NALCN: variants seen among roughly 807,000 people sequenced by gnomAD.
NALCN encodes the protein sodium leak channel NALCN.
Under a neutral mutation model 225.3 loss-of-function variants are expected in NALCN, and 111 were observed. The observed-to-expected ratio is 0.49, with a 90% CI of 0.42 to 0.58. The LOEUF (loss-of-function observed/expected upper bound fraction) is 0.58, where lower values mean the gene tolerates loss of function less well. Among genes scored for constraint, NALCN ranks in the 20% least tolerant of loss-of-function variants. The pLI is 0.00. For missense variants in NALCN, 1,378 were observed against 2,202.4 expected, an observed-to-expected ratio of 0.63 and a Z score of 7.49; for synonymous variants, 764 against 769.0, an observed-to-expected ratio of 0.99 and a Z score of 0.11.
intron 13 of NALCN, among the ~76,000 whole-genome samples, chr13:101,194,252 A>G (rs145856501): frequency 3.9e-5 from 6 of 152,258 alleles, no homozygotes; most frequent in African/African-American, 1.4e-4. Flanking sequence ...CTCGGGAGAA[A>G]AAAAAATCGA....
At chr13:101,095,553 A>T (rs2034456450) in intron 28 of NALCN, 21 bp downstream of exon 28, 2 of 1,576,752 alleles carry the variant, frequency 1.3e-6, no homozygotes, top group Admixed American at 1.7e-5. Context: ...TCTTCAGAAT[A>T]TTTTTTTATG....
At chr13:101,280,405 C>T (rs2043128534) in intron 10 of NALCN, among the ~76,000 whole-genome samples, 1 of 152,192 alleles carries the variant, frequency 6.6e-6, no homozygotes, top group Non-Finnish European at 1.5e-5. Flanking sequence ...CAACATCTAT[C>T]CCCACACCAT....
intron 1 of NALCN, among the ~76,000 whole-genome samples, chr13:101,407,475 T>C (rs1428369885): frequency 3.3e-5 from 5 of 152,208 alleles, no homozygotes; most frequent in Non-Finnish European, 5.9e-5. Context: ...AGAATGAAAG[T>C]CCATAAACTA....
At chr13:101,413,213 C>A (rs78602920) in intron 1 of NALCN, among the ~76,000 whole-genome samples, 2,362 of 152,122 alleles carry the variant, frequency 0.016, 62 homozygotes, top group East Asian at 0.091. Flanking sequence ...TATAATAATT[C>A]AGATACTTCT....
chr13:101,154,954 T>C (rs2037832695), intron 15 of NALCN, among the ~76,000 whole-genome samples: 1 of 152,162 alleles, frequency 6.6e-6, no homozygotes, highest in Non-Finnish European at 1.5e-5. Context: ...CCCAGCTTTT[T>C]AAGATCAAAA....
intron 18 of NALCN, 69 bp from the exon 19 acceptor site, chr13:101,111,295 C>A: frequency 7.7e-7 from 1 of 1,292,262 alleles, no homozygotes; most frequent in Non-Finnish European, 1.1e-6. Context: ...CACATAAGTG[C>A]TCATTACTTT....
chr13:101,276,025 A>G (rs924342006), intron 10 of NALCN, among the ~76,000 whole-genome samples: 3 of 140,630 alleles, frequency 2.1e-5, no homozygotes, highest in Non-Finnish European at 3.0e-5. Flanking sequence ...GATCGCACCA[A>G]TGCACTCCAG....
intron 10 of NALCN, among the ~76,000 whole-genome samples, chr13:101,273,443 G>A (rs563235138): frequency 2.6e-4 from 40 of 152,086 alleles, no homozygotes; most frequent in African/African-American, 8.7e-4. Context: ...CTTTCTAATC[G>A]GTTTCTTTAA....
chr13:101,393,017 T>C lies in NALCN; in HGVS notation c.291+2166A>G, dbSNP rs115629401. Among the ~76,000 whole-genome samples the C allele has an allele frequency of 6.3e-4, 96 of 152,188 alleles. 1 individual carries two copies. The highest frequency in any genetic ancestry group is 2.2e-3 in the African/African-American group (90 of 41,530). On this transcript the variant is annotated intron_variant, in intron 3 of 43. Transcript: ENST00000251127. Reference sequence around the variant, plus strand: ...CCTGTATGACATAAAATGCAGACAATAGAAAGTTTGTCCATGATTTGGATA... The same window carrying C: ...CCTGTATGACATAAAATGCAGACAACAGAAAGTTTGTCCATGATTTGGATA...
intron 10 of NALCN, among the ~76,000 whole-genome samples, chr13:101,269,147 T>C (rs558394995): frequency 1.3e-4 from 19 of 151,466 alleles, no homozygotes; most frequent in African/African-American, 4.6e-4. Context: ...AAATAAAAAA[T>C]ATTAGTTATT....
chr13:101,374,183 T>C (rs2046618149), intron 6 of NALCN, among the ~76,000 whole-genome samples: 1 of 151,408 alleles, frequency 6.6e-6, no homozygotes, highest in Non-Finnish European at 1.5e-5. Flanking sequence ...CAAGAAAAAA[T>C]GAGATCTTTA....
chr13:101,218,081 A>G (rs561406064), intron 13 of NALCN, among the ~76,000 whole-genome samples: 4 of 152,274 alleles, frequency 2.6e-5, no homozygotes, highest in Admixed American at 1.3e-4. Context: ...CTGTTACTCA[A>G]TCCTGCCAAT....
At chr13:101,313,096 T>G (rs2044412875) in intron 7 of NALCN, among the ~76,000 whole-genome samples, 1 of 152,160 alleles carries the variant, frequency 6.6e-6, no homozygotes, top group East Asian at 1.9e-4. Context: ...ATTCCCTATT[T>G]AATAAATGGT....
chr13:101,142,059 A>C (rs1329796262), intron 17 of NALCN, among the ~76,000 whole-genome samples: 1 of 152,038 alleles, frequency 6.6e-6, no homozygotes, highest in East Asian at 1.9e-4. Context: ...ATACATATAT[A>C]CACACATATA....
At position 101,242,015 on chromosome 13, in the gene NALCN, A is replaced by C. The variant is rs577826931; in HGVS notation, c.1267-4093T>G. Reference sequence around the variant, plus strand: ...ACGTCACATTTAATTTTTGGCCTCAAGAATTTTCCTTAATTTTTTGCACAC... The same window carrying C: ...ACGTCACATTTAATTTTTGGCCTCACGAATTTTCCTTAATTTTTTGCACAC... On this transcript the variant is annotated intron_variant, in intron 11 of 43. Transcript: ENST00000251127. Among the ~76,000 whole-genome samples, 22 of 106,234 alleles carry C rather than the reference A, an allele frequency of 2.1e-4. 7 individuals are homozygous for C. Among genetic ancestry groups the C allele is most frequent in the Non-Finnish European group, 4.2e-4 (20 of 47,538 alleles). 69.7% of individuals were successfully genotyped at this position (106,234 alleles called of 152,430 possible).
intron 13 of NALCN, among the ~76,000 whole-genome samples, chr13:101,207,754 C>T (rs1000790259): frequency 1.3e-5 from 2 of 152,152 alleles, no homozygotes; most frequent in Admixed American, 6.5e-5. Flanking sequence ...GTGGGTGGGG[C>T]CAGATAAGGG....
intron 12 of NALCN, among the ~76,000 whole-genome samples, chr13:101,235,239 GTT>G (rs1359965744): frequency 6.6e-6 from 1 of 152,008 alleles, no homozygotes; most frequent in Non-Finnish European, 1.5e-5. Context: ...CATTTAAACA[GTT>G]TTCTTTTTTC....
intron 1 of NALCN, among the ~76,000 whole-genome samples, chr13:101,400,362 G>GA (rs1332455113): frequency 6.6e-6 from 1 of 151,664 alleles, no homozygotes; most frequent in Non-Finnish European, 1.5e-5. Context: ...GCGGGTAACA[G>GA]AAAAAAAAGA....
chr13:101,068,566 A>G, intron 38 of NALCN, 129 bp downstream of exon 38: 3 of 1,002,870 alleles, frequency 3.0e-6, no homozygotes, highest in Non-Finnish European at 4.0e-6. Context: ...GGATTGAGAG[A>G]CAACAATTTA....
Sources: allele counts gnomAD v4.1 joint callset (sites outside exome capture counted in the v4.1 genomes callset), GRCh38; gene constraint gnomAD v4.1.1; transcripts MANE v1.5; gene names NCBI Gene and HGNC (gene_info 2026-07-23, HGNC 2026-07-21).